The following EFTUD2 variants were observed in gnomAD, a reference collection of about 807,000 sequenced individuals.
The protein encoded by EFTUD2 is 116 kDa U5 small nuclear ribonucleoprotein component.
In EFTUD2, 9 loss-of-function variants were observed where a neutral mutation model predicts 114.3. The ratio of observed to expected loss-of-function variants is 0.08; its 90% CI spans 0.05 to 0.14. The LOEUF (loss-of-function observed/expected upper bound fraction) is 0.14. EFTUD2 is among the 10% of genes least tolerant of loss of function. The pLI, the probability that EFTUD2 is intolerant of heterozygous loss-of-function variation, is 1.00. For synonymous variants in EFTUD2, 449 were observed against 462.3 expected, an observed-to-expected ratio of 0.97 and a Z score of 0.37; for missense variants, 765 against 1,241.2, an observed-to-expected ratio of 0.62 and a Z score of 5.76.
chr17:44,853,562 C>G lies in EFTUD2; in HGVS notation c.2421G>C (p.Gln807His). The G allele has an allele frequency of 6.2e-7, 1 of 1,614,184 alleles. No individual in the cohort carries two copies. Among genetic ancestry groups the G allele is most frequent in the Non-Finnish European group, 8.5e-7 (1 of 1,180,014 alleles). The change falls in exon 24 of 28, where the codon CAG (glutamine) becomes CAC (histidine). Residue 807 changes from glutamine to histidine, a missense_variant. Around this residue, in one of 6 missense-constraint regions of EFTUD2, gnomAD observed 166 missense variants for 401.5 expected, o/e 0.41. Transcript: ENST00000426333. ...AQEPLHRGGG[Q>H]IIPTARRVVY... ...CGACTCTCCTGGCTGTGGGGATGAT[C>G]TGGCCCCCGCCCCGGTGCAGGGGCT...
At chr17:44,870,734 C>T (rs2050834217) in intron 11 of EFTUD2, among the ~76,000 whole-genome samples, 2 of 152,114 alleles carry the variant, frequency 1.3e-5, no homozygotes, top group African/African-American at 4.8e-5. Context: ...GAACATAGTA[C>T]ACAGGCCAGG....
chr17:44,891,192 C>T (rs2051272366), intron 2 of EFTUD2, among the ~76,000 whole-genome samples: 1 of 152,160 alleles, frequency 6.6e-6, no homozygotes, highest in Non-Finnish European at 1.5e-5. Flanking sequence ...CACTATGCAA[C>T]TCATAGAAAA....
At chr17:44,889,406 A>G (rs2051238047) in intron 2 of EFTUD2, among the ~76,000 whole-genome samples, 1 of 152,202 alleles carries the variant, frequency 6.6e-6, no homozygotes, top group Non-Finnish European at 1.5e-5. Context: ...ATATGGGGTC[A>G]AGAGAGAGTT....
chr17:44,882,804 T>C (rs899244665), intron 6 of EFTUD2, among the ~76,000 whole-genome samples: 2 of 152,166 alleles, frequency 1.3e-5, no homozygotes, highest in African/African-American at 2.4e-5. Flanking sequence ...AGGCTATTAA[T>C]ACTATAACAG....
At position 44,867,732 on chromosome 17, in the gene EFTUD2, G is replaced by C. The variant is rs531837785; in HGVS notation, c.1149+75C>G. 3.6e-5 allele frequency: 46 copies of C among 1,284,556 alleles called. No individual in the cohort carries two copies. The South Asian group carries it at 7.7e-4, about 22-fold the overall frequency. 79.6% of individuals were successfully genotyped at this position (1,284,556 alleles called of 1,614,324 possible). A position where few individuals can be genotyped will look rare whatever the true frequency, so the allele number is the denominator to read the frequency against. ...AACTGAGCAGGTTTAGGGACAGAGG[G>C]AAGTGTGAGTTCACCAGCTCTTCCA... On this transcript the variant is annotated intron_variant, in intron 13 of 27. Coordinates refer to ENST00000426333, the MANE Select transcript of EFTUD2 (RefSeq NM_004247.4).
intron 20 of EFTUD2, among the ~76,000 whole-genome samples, chr17:44,856,445 G>A (rs1234264110): frequency 6.6e-6 from 1 of 151,782 alleles, no homozygotes; most frequent in Non-Finnish European, 1.5e-5. Context: ...CACAAGAATT[G>A]CTTGAACCTG....
In EFTUD2 at chr17:44,854,765, G is replaced by C; in HGVS notation, c.2133-83C>G. 1 of 1,583,040 alleles carries C rather than the reference G, an allele frequency of 6.3e-7. No individual in the cohort carries two copies. ...AGCCACAGACCCTCCCTTCCTGGAAGACAGTCACTTCATCCTACCCACTGT... is the reference window on the plus strand; with the variant it reads ...AGCCACAGACCCTCCCTTCCTGGAACACAGTCACTTCATCCTACCCACTGT... On this transcript the variant is annotated intron_variant, in intron 21 of 27. Coordinates refer to ENST00000426333, the MANE Select transcript of EFTUD2 (RefSeq NM_004247.4). The surrounding 1 kb of genome is among the most constrained non-coding windows in gnomAD (Gnocchi z 4.3).
At chr17:44,852,072 C>T (rs1272294292) in intron 26 of EFTUD2, among the ~76,000 whole-genome samples, 3 of 152,012 alleles carry the variant, frequency 2.0e-5, no homozygotes, top group Non-Finnish European at 2.9e-5. Context: ...CATGCACCAC[C>T]ACGCCTAGCT....
At chr17:44,856,935 C>A in intron 20 of EFTUD2, 140 bp downstream of exon 20, 1 of 647,998 alleles carries the variant, frequency 1.5e-6, no homozygotes, top group Non-Finnish European at 2.7e-6. Context: ...GAGTGAAACT[C>A]AAGTATTGTA....
chr17:44,854,864 A>G lies in EFTUD2; in HGVS notation c.2132+54T>C. On this transcript the variant is annotated intron_variant, in intron 21 of 27. Coordinates refer to ENST00000426333, the MANE Select transcript of EFTUD2 (RefSeq NM_004247.4). This position sits in a 1 kb window ranked among gnomAD's most constrained non-coding sequence, Gnocchi z 4.3. ...GTGTGCTCTTAGAGACCCGGCAGTT[A>G]AACTGTGGCATCCCTGCCTCCTTTC... 1.9e-6 allele frequency: 3 copies of G among 1,590,772 alleles called. No homozygotes were observed. The South Asian group carries it at 3.3e-5, about 18-fold the overall frequency.
In EFTUD2 at chr17:44,886,739, A is replaced by T; in HGVS notation, c.117T>A (p.Asp39Glu). Residue 39 changes from aspartate to glutamate, a missense_variant, in exon 3 of 28, where the codon GAT (aspartate) becomes GAA (glutamate). Around this residue, in one of 6 missense-constraint regions of EFTUD2, gnomAD observed 121 missense variants for 133.7 expected, o/e 0.90. Transcript: ENST00000426333. ...ETKDLDEMDD[D>E]DDDDDVGDHD... ...GATCTCCTACGTCATCGTCGTCGTC[A>T]TCATCATCCATCTGAAAGCAAGAGG... The T allele has an allele frequency of 6.2e-7, 1 of 1,613,500 alleles. No individual in the cohort carries two copies. Among genetic ancestry groups the T allele is most frequent in the Non-Finnish European group, 8.5e-7 (1 of 1,179,806 alleles).
rs1436318892 is a variant in EFTUD2, at chr17:44,860,343, T to C, written c.1719+89A>G. ...TAAGCCTGAAACCAGGACATGGCAA[T>C]GACTGTGGATTAGTCCCGTTTGTGC... On this transcript the variant is annotated intron_variant, in intron 17 of 27. Coordinates refer to ENST00000426333, the MANE Select transcript of EFTUD2 (RefSeq NM_004247.4). The C allele has an allele frequency of 4.2e-6, 4 of 942,756 alleles. No individual in the cohort carries two copies. In the Admixed American group the frequency reaches 7.3e-5, roughly 17 times the overall value. 58.4% of individuals were successfully genotyped at this position (942,756 alleles called of 1,614,324 possible).
rs543530336 is a variant in EFTUD2, at chr17:44,860,928, T to G, written c.1608-385A>C. 3.4e-4 allele frequency among the ~76,000 whole-genome samples: 52 copies of G among 152,274 alleles called. 2 individuals carry two copies. The South Asian group carries it at 4.8e-3, about 14-fold the overall frequency. ...CCACAAAAATTTACTGAGTACTTGC[T>G]GCGTGCCAAGAGCAGGGGTGAGCAA... On this transcript the variant is annotated intron_variant, in intron 16 of 27. Transcript: ENST00000426333.
chr17:44,863,615 G>C, intron 15 of EFTUD2, 40 bp downstream of exon 15: 1 of 1,598,622 alleles, frequency 6.3e-7, no homozygotes, highest in Non-Finnish European at 8.5e-7. Flanking sequence ...ACAGGAAGGG[G>C]AAAAAAAGAC....
chr17:44,851,661 G>C (rs1482549130), intron 27 of EFTUD2, 49 bp downstream of exon 27: 1 of 1,483,638 alleles, frequency 6.7e-7, no homozygotes, highest in Non-Finnish European at 9.0e-7. Flanking sequence ...TCCTGCTTCT[G>C]AGAGTCCTGG....
chr17:44,882,680 T>C (rs1289301258), intron 6 of EFTUD2, among the ~76,000 whole-genome samples: 1 of 152,168 alleles, frequency 6.6e-6, no homozygotes, highest in Non-Finnish European at 1.5e-5. Flanking sequence ...AAACAATCAA[T>C]CTGGCAGGGT....
chr17:44,859,392 G>A, intron 18 of EFTUD2: 1 of 592,388 alleles, frequency 1.7e-6, no homozygotes, highest in East Asian at 2.8e-5. Flanking sequence ...GGTGATACTA[G>A]GTGTGAAGTC....
chr17:44,888,125 C>A (rs563952350), intron 2 of EFTUD2, among the ~76,000 whole-genome samples: 1 of 152,252 alleles, frequency 6.6e-6, no homozygotes, highest in East Asian at 1.9e-4. Context: ...AGGCCCAGAG[C>A]CAAGAGCATG....
At chr17:44,864,421 G>A (rs1263875350) in intron 14 of EFTUD2, among the ~76,000 whole-genome samples, 1 of 152,196 alleles carries the variant, frequency 6.6e-6, no homozygotes, top group Non-Finnish European at 1.5e-5. Flanking sequence ...TGATTTTACA[G>A]ATAACAAATC....
Sources: gnomAD v4.1 joint callset for allele counts (sites outside exome capture counted in the v4.1 genomes callset) on GRCh38, gnomAD v4.1.1 for gene constraint, gnomAD v4.1.1 regional missense constraint, Gnocchi (gnomAD v3.1) non-coding constraint, MANE v1.5 for transcripts, NCBI Gene and HGNC (gene_info 2026-07-23, HGNC 2026-07-21) for gene names.